ADGRV1: variants seen among roughly 807,000 people sequenced by gnomAD.
ADGRV1 encodes the protein G-protein coupled receptor 98.
ADGRV1 carries 359 observed loss-of-function variants against 596.2 expected under a neutral mutation model. The observed-to-expected ratio is 0.60, with a 90% CI of 0.55 to 0.66. The LOEUF is 0.66. Ranked by LOEUF, ADGRV1 falls within the 30% of genes least tolerant of loss-of-function variation. ADGRV1 has a pLI of 0.00. For synonymous variants in ADGRV1, 2,681 were observed against 2,679.2 expected, an observed-to-expected ratio of 1.00 and a Z score of -0.02; for missense variants, 7,274 against 7,575.6, an observed-to-expected ratio of 0.96 and a Z score of 1.48.
chr5:90,699,339 T>G (rs1331657191), intron 34 of ADGRV1, among the ~76,000 whole-genome samples: 2 of 152,178 alleles, frequency 1.3e-5, no homozygotes, highest in Non-Finnish European at 2.9e-5. Flanking sequence ...GAAGCACTGC[T>G]TATTGGCTAT....
At chr5:91,023,818 C>T (rs1562103783) in intron 85 of ADGRV1, among the ~76,000 whole-genome samples, 1 of 152,030 alleles carries the variant, frequency 6.6e-6, no homozygotes, top group Admixed American at 6.5e-5. Context: ...ATCACTAAAA[C>T]GCTTCTAAAA....
chr5:91,052,346 G>C (rs13155382), intron 85 of ADGRV1, among the ~76,000 whole-genome samples: 1 of 148,898 alleles, frequency 6.7e-6, no homozygotes, highest in African/African-American at 2.5e-5. Context: ...AAATTGCTTT[G>C]TAGTAGCATT....
At chr5:90,652,931 G>C (rs1020186552) in intron 19 of ADGRV1, among the ~76,000 whole-genome samples, 4 of 152,040 alleles carry the variant, frequency 2.6e-5, no homozygotes, top group Non-Finnish European at 5.9e-5. Context: ...ATCAATTTTC[G>C]CATCACTTTT....
At chr5:90,742,633 G>T (rs2460187) in intron 50 of ADGRV1, among the ~76,000 whole-genome samples, 58,401 of 151,984 alleles carry the variant, frequency 0.38, 12,233 homozygotes, top group Admixed American at 0.54. Context: ...GTGTGCGCAC[G>T]GGTGTGCATG....
chr5:90,950,801 G>A (rs1056605844), intron 83 of ADGRV1, among the ~76,000 whole-genome samples: 1 of 152,166 alleles, frequency 6.6e-6, no homozygotes, highest in Non-Finnish European at 1.5e-5. Flanking sequence ...CTTGTAGTGA[G>A]AGCTTAGGCT....
chr5:91,035,268 TGAAAAGCAAATCCA>T (rs1390610720), intron 85 of ADGRV1, among the ~76,000 whole-genome samples: 3 of 152,188 alleles, frequency 2.0e-5, no homozygotes, highest in African/African-American at 7.2e-5. Flanking sequence ...CACTTTCTGT[TGAAAAGCAAATCCA>T]TCTTCCCTTG....
In ADGRV1 at chr5:90,615,036, G is replaced by T; in HGVS notation, c.207+17G>T. 7.3e-7 allele frequency: 1 copy of T among 1,363,740 alleles called. No homozygotes were observed. Among genetic ancestry groups the T allele is most frequent in the Non-Finnish European group, 9.6e-7 (1 of 1,039,958 alleles). The allele number at this position is 1,363,740 out of a possible 1,614,324, so 84.5% of individuals were successfully genotyped here. ...ATTGTATCGGTAAGAAATTATTATA[G>T]CTCTATTTTTACTGAAATAGATATG... On this transcript the variant is annotated intron_variant, in intron 2 of 89. Coordinates refer to ENST00000405460, the MANE Select transcript of ADGRV1 (RefSeq NM_032119.4).
In ADGRV1 at chr5:90,642,758, T is replaced by C. The variant is rs1358690487; in HGVS notation, c.2363T>C (p.Ile788Thr). 13 of 1,610,854 alleles carry C rather than the reference T, an allele frequency of 8.1e-6. No individual in the cohort carries two copies. The highest frequency in any genetic ancestry group is 1.1e-5 in the Non-Finnish European group (13 of 1,178,950). ...CCTGCTTCCAGAGGACCCTATGTTA[T>C]AAAAGTAAGTACGAAAAAAACTTCC... ...FSPASRGPYV[I>T]KEGESVELHI... Residue 788 changes from isoleucine to threonine, a missense_variant, in exon 12 of 90, where the codon ATA becomes ACA. Ile to Thr is a moderately conservative substitution (Grantham distance 89, BLOSUM62 -1). Coordinates refer to ENST00000405460, the MANE Select transcript of ADGRV1 (RefSeq NM_032119.4).
chr5:90,660,727 T>TA (rs1279832776), intron 21 of ADGRV1, among the ~76,000 whole-genome samples: 2 of 152,232 alleles, frequency 1.3e-5, no homozygotes, highest in Non-Finnish European at 2.9e-5. Context: ...AAATAAAAAT[T>TA]AAAAAAATTT....
intron 27 of ADGRV1, 28 bp from the exon 28 acceptor site, chr5:90,683,558 A>G (rs773834903): frequency 6.6e-7 from 1 of 1,507,250 alleles, no homozygotes; most frequent in South Asian, 1.3e-5. Context: ...CTCTCTTTTA[A>G]TAGATTTTAA....
intron 83 of ADGRV1, among the ~76,000 whole-genome samples, chr5:90,932,438 G>T (rs1775330185): frequency 1.3e-5 from 2 of 151,984 alleles, no homozygotes; most frequent in African/African-American, 4.8e-5. Flanking sequence ...TAGTGGAAAT[G>T]GCCTTTTTTG....
intron 85 of ADGRV1, among the ~76,000 whole-genome samples, chr5:90,992,065 C>T (rs1781012834): frequency 6.6e-6 from 1 of 152,234 alleles, no homozygotes; most frequent in Non-Finnish European, 1.5e-5. Flanking sequence ...AAATAGCAAC[C>T]TTAGACTAGC....
At chr5:90,999,174 A>G (rs912507815) in intron 85 of ADGRV1, among the ~76,000 whole-genome samples, 65 of 151,860 alleles carry the variant, frequency 4.3e-4, no homozygotes, top group African/African-American at 1.5e-3. Context: ...GTCTCTCCTG[A>G]ATTTTTATTT....
intron 86 of ADGRV1, among the ~76,000 whole-genome samples, chr5:91,083,516 T>G (rs1240244058): frequency 6.6e-6 from 1 of 151,962 alleles, no homozygotes; most frequent in Admixed American, 6.5e-5. Flanking sequence ...TGTTGTTTTT[T>G]GTTTTTTGTT....
chr5:91,141,259 T>G (rs879895131), intron 87 of ADGRV1, among the ~76,000 whole-genome samples: 1 of 152,234 alleles, frequency 6.6e-6, no homozygotes, highest in Non-Finnish European at 1.5e-5. Flanking sequence ...CCTGCAGACT[T>G]CTTTTATTAT....
chr5:90,562,172 T>C (rs542843209), intron 1 of ADGRV1, among the ~76,000 whole-genome samples: 2 of 152,322 alleles, frequency 1.3e-5, no homozygotes, highest in Admixed American at 1.3e-4. Flanking sequence ...CCATTACTCC[T>C]GGGCAGTTCA....
chr5:90,912,145 C>T lies in ADGRV1; in HGVS notation c.17856+48288C>T, dbSNP rs149468813. Among the ~76,000 whole-genome samples the T allele has an allele frequency of 2.3e-3, 353 of 151,994 alleles. 1 individual carries two copies. The highest frequency in any genetic ancestry group is 8.2e-3 in the African/African-American group (341 of 41,458). On this transcript the variant is annotated intron_variant, in intron 83 of 89. Coordinates refer to ENST00000405460, the MANE Select transcript of ADGRV1 (RefSeq NM_032119.4). ...GCTGTTTTTATTATCAGTATGATTA[C>T]GTGGAAAAGAGAACCTTGTTAGCAG...
At chr5:90,825,549 A>G (rs1214029615) in intron 76 of ADGRV1, among the ~76,000 whole-genome samples, 1 of 152,220 alleles carries the variant, frequency 6.6e-6, no homozygotes, top group Non-Finnish European at 1.5e-5. Flanking sequence ...TAGAATACTG[A>G]TACGATCTCA....
chr5:91,078,427 C>A (rs1468189039), intron 86 of ADGRV1, among the ~76,000 whole-genome samples: 1 of 152,116 alleles, frequency 6.6e-6, no homozygotes, highest in African/African-American at 2.4e-5. Context: ...TACTTTTCTC[C>A]TTTTATGTAG....
Sources: gnomAD v4.1 joint callset for allele counts (sites outside exome capture counted in the v4.1 genomes callset) on GRCh38, gnomAD v4.1.1 for gene constraint, MANE v1.5 for transcripts, NCBI Gene and HGNC (gene_info 2026-07-23, HGNC 2026-07-21) for gene names.